PARP12: variants seen among roughly 807,000 people sequenced by gnomAD.
PARP12 encodes protein mono-ADP-ribosyltransferase PARP12.
In PARP12, 59 loss-of-function variants were observed where a neutral mutation model predicts 72.4. The ratio of observed to expected loss-of-function variants is 0.81; its 90% CI spans 0.66 to 1.01. The LOEUF is 1.01. Ranked by LOEUF, PARP12 falls within the 50% of genes least tolerant of loss-of-function variation. The probability of loss-of-function intolerance (pLI) is 0.00; values close to 1 mark genes in which losing one functional copy is unlikely to be tolerated. For synonymous variants in PARP12, 403 were observed against 371.4 expected, an observed-to-expected ratio of 1.09 and a Z score of -0.98; for missense variants, 851 against 914.0, an observed-to-expected ratio of 0.93 and a Z score of 0.89.
At chr7:140,041,009 C>T (rs1293464921) in intron 6 of PARP12, among the ~76,000 whole-genome samples, 1 of 152,194 alleles carries the variant, frequency 6.6e-6, no homozygotes, top group Non-Finnish European at 1.5e-5. Context: ...CTCAACTGAT[C>T]TGCCCACCTC....
At chr7:140,048,691 G>A (rs564014148) in intron 4 of PARP12, among the ~76,000 whole-genome samples, 58 of 152,288 alleles carry the variant, frequency 3.8e-4, no homozygotes, top group Non-Finnish European at 6.8e-4. Flanking sequence ...AAAGTTATAA[G>A]CAAAGACTTC....
intron 5 of PARP12, 93 bp from the exon 6 acceptor site, chr7:140,041,932 T>A: frequency 9.2e-7 from 1 of 1,092,128 alleles, no homozygotes; most frequent in East Asian, 2.4e-5. Context: ...GAGATGCGAA[T>A]AGTAAATGTG....
chr7:140,060,422 A>G (rs978791297), intron 1 of PARP12, among the ~76,000 whole-genome samples: 3 of 152,366 alleles, frequency 2.0e-5, no homozygotes, highest in Non-Finnish European at 2.9e-5. Flanking sequence ...GGGAAGCAGA[A>G]AAGTGCAGCC....
rs574324499 is a variant in PARP12, at chr7:140,035,331, G to C, written c.1325-1000C>G. ...CCATTCTCACTGGCATATTTAAATGGGTGTTACTGGCCTACTGGCCATCTG... is the reference window on the plus strand; with the variant it reads ...CCATTCTCACTGGCATATTTAAATGCGTGTTACTGGCCTACTGGCCATCTG... On this transcript the variant is annotated intron_variant, in intron 7 of 11. Coordinates refer to ENST00000263549, the MANE Select transcript of PARP12 (RefSeq NM_022750.4). Among the ~76,000 whole-genome samples the C allele has an allele frequency of 5.9e-5, 9 of 152,224 alleles. No homozygotes were observed. In the East Asian group the frequency reaches 1.7e-3, roughly 29 times the overall value.
At chr7:140,058,539 C>T (rs994445139) in intron 1 of PARP12, among the ~76,000 whole-genome samples, 1 of 151,402 alleles carries the variant, frequency 6.6e-6, no homozygotes, top group African/African-American at 2.4e-5. Context: ...CAGACACACA[C>T]AGAGGGAAGA....
chr7:140,027,951 C>T (rs934314519), intron 9 of PARP12, among the ~76,000 whole-genome samples: 1 of 152,164 alleles, frequency 6.6e-6, no homozygotes, highest in African/African-American at 2.4e-5. Flanking sequence ...AGGTCCTTAG[C>T]ACTTCTTGCC....
In PARP12 at chr7:140,024,391, G is replaced by A. The variant is rs956931599; in HGVS notation, c.*169C>T. On this transcript the variant is annotated 3_prime_UTR_variant, in exon 12 of 12. Transcript: ENST00000263549. ...TTAATCCACTAGTGAACCCAAAAGTGACTTAAAAGTAAAAATCATTATTAG... is the reference window on the plus strand; with the variant it reads ...TTAATCCACTAGTGAACCCAAAAGTAACTTAAAAGTAAAAATCATTATTAG... 1.7e-5 allele frequency: 14 copies of A among 826,120 alleles called. No homozygotes were observed. The highest frequency in any genetic ancestry group is 2.7e-5 in the Non-Finnish European group (14 of 513,722). 51.2% of individuals were successfully genotyped at this position (826,120 alleles called of 1,614,324 possible).
intron 1 of PARP12, among the ~76,000 whole-genome samples, chr7:140,059,091 G>A (rs1359972258): frequency 6.9e-6 from 1 of 145,624 alleles, no homozygotes; most frequent in Admixed American, 6.9e-5. Context: ...GCGAGACTCT[G>A]TCTCAAAAAA....
At chr7:140,062,442 G>C in intron 1 of PARP12, 80 bp downstream of exon 1, 1 of 1,376,476 alleles carries the variant, frequency 7.3e-7, no homozygotes, top group South Asian at 1.4e-5. Flanking sequence ...CAAACTTCAA[G>C]TAGGACCCCC....
At chr7:140,031,638 C>A (rs1036946511) in intron 8 of PARP12, among the ~76,000 whole-genome samples, 1 of 152,150 alleles carries the variant, frequency 6.6e-6, no homozygotes, top group African/African-American at 2.4e-5. Flanking sequence ...TGTGACACTC[C>A]GCTTACAGGA....
intron 7 of PARP12, among the ~76,000 whole-genome samples, chr7:140,035,564 T>C (rs1226749892): frequency 6.6e-6 from 1 of 152,198 alleles, no homozygotes. Context: ...AACAGGATGC[T>C]AGAATTCTGC....
At chr7:140,057,334 A>C in intron 2 of PARP12, 181 bp from the exon 3 acceptor site, 1 of 648,840 alleles carries the variant, frequency 1.5e-6, no homozygotes, top group Non-Finnish European at 2.6e-6. Context: ...CCTTGGCTAA[A>C]AGGGGAACGA....
At chr7:140,031,162 G>C (rs1268654148) in intron 8 of PARP12, among the ~76,000 whole-genome samples, 1 of 152,132 alleles carries the variant, frequency 6.6e-6, no homozygotes, top group Non-Finnish European at 1.5e-5. Flanking sequence ...TCACATGAAT[G>C]AAACATTTTC....
chr7:140,056,783 C>T (rs1169614042), intron 3 of PARP12, 73 bp downstream of exon 3: 1 of 1,428,176 alleles, frequency 7.0e-7, no homozygotes, highest in Admixed American at 2.3e-5. Flanking sequence ...TAATGGCTAG[C>T]TGGAATCCGG....
At chr7:140,053,468 T>C (rs1213971309) in intron 4 of PARP12, among the ~76,000 whole-genome samples, 3 of 152,158 alleles carry the variant, frequency 2.0e-5, no homozygotes, top group Non-Finnish European at 4.4e-5. Flanking sequence ...TAAAGGAGCA[T>C]AAAACAATGT....
At position 140,062,819 on chromosome 7, in the gene PARP12, A is replaced by C; in HGVS notation, c.29T>G (p.Val10Gly). 7.1e-7 allele frequency: 1 copy of C among 1,405,984 alleles called. No individual in the cohort carries two copies. The highest frequency in any genetic ancestry group is 9.3e-7 in the Non-Finnish European group (1 of 1,078,004). 87.1% of individuals were successfully genotyped at this position (1,405,984 alleles called of 1,614,324 possible). Reference protein sequence around the residue: MAQAGVVGEVTQVLCAAGGA... With the variant: MAQAGVVGEGTQVLCAAGGA... ...CCCGGCCGCGCACAGCACCTGGGTG[A>C]CCTCACCGACGACGCCGGCCTGGGC... Residue 10 changes from valine (V) to glycine (G), a missense_variant, in exon 1 of 12, where the codon GTC becomes GGC. Val to Gly is a moderately radical substitution (Grantham distance 109, BLOSUM62 -3). Transcript: ENST00000263549.
At chr7:140,048,103 C>T (rs947904648) in intron 4 of PARP12, among the ~76,000 whole-genome samples, 3 of 152,164 alleles carry the variant, frequency 2.0e-5, no homozygotes, top group Admixed American at 6.5e-5. Context: ...AGATTCATCC[C>T]TACCAGAAAT....
rs1489567152 is a variant in PARP12, at chr7:140,062,817, T to C, written c.31A>G (p.Thr11Ala). MAQAGVVGEV[T>A]QVLCAAGGAL... ...CCCCCGGCCGCGCACAGCACCTGGG[T>C]GACCTCACCGACGACGCCGGCCTGG... Residue 11 changes from threonine to alanine, a missense_variant, in exon 1 of 12, where the codon ACC becomes GCC. Thr to Ala is a moderately conservative substitution (Grantham distance 58, BLOSUM62 0). Coordinates refer to ENST00000263549, the MANE Select transcript of PARP12 (RefSeq NM_022750.4). The C allele has an allele frequency of 7.1e-7, 1 of 1,408,564 alleles. No individual in the cohort carries two copies. Among genetic ancestry groups the C allele is most frequent in the Non-Finnish European group, 9.3e-7 (1 of 1,079,386 alleles). 87.3% of individuals were successfully genotyped at this position (1,408,564 alleles called of 1,614,324 possible). A position where few individuals can be genotyped will look rare whatever the true frequency, so the allele number is the denominator to read the frequency against.
At position 140,062,663 on chromosome 7, in the gene PARP12, G is replaced by A; in HGVS notation, c.185C>T (p.Pro62Leu). ...CGAGGCGGCCAGCACCACGCGCTCC[G>A]GGGCCGCGGCTGCGCCGCCCGCCCG... ...AVRAGGAAAA[P>L]ERVVLAASPL... The change falls in exon 1 of 12, where the codon CCG becomes CTG. Residue 62 changes from proline (P) to leucine (L), a missense_variant. Coordinates refer to ENST00000263549, the MANE Select transcript of PARP12 (RefSeq NM_022750.4). 1.5e-6 allele frequency: 2 copies of A among 1,298,934 alleles called. No homozygotes were observed. Among genetic ancestry groups the A allele is most frequent in the Non-Finnish European group, 1.9e-6 (2 of 1,026,932 alleles). The allele number at this position is 1,298,934 out of a possible 1,614,324, so 80.5% of individuals were successfully genotyped here.
Sources: allele counts gnomAD v4.1 joint callset (sites outside exome capture counted in the v4.1 genomes callset), GRCh38; gene constraint gnomAD v4.1.1; transcripts MANE v1.5; gene names NCBI Gene and HGNC (gene_info 2026-07-23, HGNC 2026-07-21).